Variants in ACO1 observed in about 807,000 individuals in gnomAD.
The protein encoded by ACO1 is cytoplasmic aconitate hydratase.
A neutral mutation model predicts 105.1 loss-of-function variants in ACO1; 78 were observed. The observed-to-expected ratio is 0.74, with a 90% CI of 0.62 to 0.90. The LOEUF (loss-of-function observed/expected upper bound fraction) is 0.90, where lower values mean the gene tolerates loss of function less well. Among genes scored for constraint, ACO1 ranks in the 40% least tolerant of loss-of-function variants. The pLI is 0.00. For synonymous variants in ACO1, 364 were observed against 397.4 expected, an observed-to-expected ratio of 0.92 and a Z score of 1.00; for missense variants, 965 against 1,111.1, an observed-to-expected ratio of 0.87 and a Z score of 1.87.
Position 32,427,420 on chromosome 9 carries a change from T to C in ACO1, c.1468T>C (p.Tyr490His). The C allele has an allele frequency of 6.2e-7, 1 of 1,614,224 alleles. No homozygotes were observed. Among genetic ancestry groups the C allele is most frequent in the Non-Finnish European group, 8.5e-7 (1 of 1,180,038 alleles). Residue 490 changes from tyrosine (Y) to histidine (H), a missense_variant, in exon 12 of 21, where the codon TAT becomes CAT. Physicochemically the swap from Tyr to His is moderately conservative, Grantham distance 83 (BLOSUM62 2). Transcript: ENST00000309951. ...YYLQESGVMP[Y>H]LSQLGFDVVG... ...CCTACAAGAAAGCGGAGTCATGCCTTATCTGTCTCAGCTTGGGTGAGGGAG... is the reference window on the plus strand; with the variant it reads ...CCTACAAGAAAGCGGAGTCATGCCTCATCTGTCTCAGCTTGGGTGAGGGAG...
In ACO1 at chr9:32,446,650, C is replaced by A. The variant is rs558486665; in HGVS notation, c.2371-2246C>A. 2.0e-5 allele frequency among the ~76,000 whole-genome samples: 3 copies of A among 152,250 alleles called. No homozygotes were observed. In the South Asian group the frequency reaches 6.2e-4, roughly 32 times the overall value. ...ATTATGCTGTTAGCTGGTTATTTTG[C>A]CCATTAGTTGATGCAGTTTTTCATA... On this transcript the variant is annotated intron_variant, in intron 19 of 20. Transcript: ENST00000309951.
intron 6 of ACO1, 50 bp from the exon 7 acceptor site, chr9:32,418,988 T>C: frequency 2.0e-6 from 3 of 1,484,742 alleles, no homozygotes; most frequent in Non-Finnish European, 2.7e-6. Flanking sequence ...ACCTGAGAGA[T>C]AGAGTAAGGG....
intron 12 of ACO1, 71 bp downstream of exon 12, chr9:32,427,507 C>G: frequency 1.3e-6 from 2 of 1,581,682 alleles, no homozygotes; most frequent in South Asian, 1.1e-5. Flanking sequence ...GCTGTGTCAC[C>G]TTGTAACAGA....
chr9:32,449,114 C>T (rs377061850), intron 20 of ACO1, 33 bp downstream of exon 20: 4 of 1,549,858 alleles, frequency 2.6e-6, no homozygotes, highest in East Asian at 4.5e-5. Flanking sequence ...CAGGCCCTGT[C>T]GAAAGGGGCC....
At chr9:32,409,260 G>A (rs1193632058) in intron 4 of ACO1, among the ~76,000 whole-genome samples, 1 of 152,122 alleles carries the variant, frequency 6.6e-6, no homozygotes, top group Non-Finnish European at 1.5e-5. Flanking sequence ...GTCCTGAGTG[G>A]GCCTGTAGCC....
chr9:32,401,942 CTGTT>C (rs1464577247), intron 1 of ACO1, among the ~76,000 whole-genome samples: 1 of 152,222 alleles, frequency 6.6e-6, no homozygotes, highest in Admixed American at 6.5e-5. Context: ...TTGAAAGACA[CTGTT>C]TCTCTACCAA....
chr9:32,384,895 G>A (rs986050583), intron 1 of ACO1, among the ~76,000 whole-genome samples, 160 bp downstream of exon 1: 1 of 152,262 alleles, frequency 6.6e-6, no homozygotes, highest in Non-Finnish European at 1.5e-5. Flanking sequence ...AATCGGGGAC[G>A]TGTTTCTGGC....
chr9:32,418,542 G>A (rs1821902377), intron 6 of ACO1, 31 bp downstream of exon 6: 1 of 1,582,440 alleles, frequency 6.3e-7, no homozygotes, highest in East Asian at 2.3e-5. Flanking sequence ...GCTGTTTTGG[G>A]GCATGCACTT....
At chr9:32,385,828 C>G (rs1448008719) in intron 1 of ACO1, among the ~76,000 whole-genome samples, 1 of 152,240 alleles carries the variant, frequency 6.6e-6, no homozygotes, top group South Asian at 2.1e-4. Flanking sequence ...TAGGAGTTCT[C>G]TGCACCACAC....
rs1822690526 is a variant in ACO1, at chr9:32,448,997, A to G, written c.2472A>G (p.Ala824=). 1 of 1,614,086 alleles carries G rather than the reference A, an allele frequency of 6.2e-7. No individual in the cohort carries two copies. The highest frequency in any genetic ancestry group is 8.5e-7 in the Non-Finnish European group (1 of 1,180,022). The change falls in exon 20 of 21, where the codon GCA becomes GCG. Residue 824 remains alanine (A), a synonymous_variant. Coordinates refer to ENST00000309951, the MANE Select transcript of ACO1 (RefSeq NM_002197.3). ...TTGAATATCTCCCTGGTGAGAATGC[A>G]GATGCCCTGGGGCTCACAGGGCAAG... ...IPLEYLPGEN[A]DALGLTGQER...
intron 1 of ACO1, among the ~76,000 whole-genome samples, chr9:32,398,954 T>C (rs1189060650): frequency 1.3e-5 from 2 of 152,218 alleles, no homozygotes; most frequent in African/African-American, 4.8e-5. Context: ...TAAATTTTAA[T>C]GTAGAGCTAC....
In ACO1 at chr9:32,431,862, C is replaced by T. The variant is rs931402354; in HGVS notation, c.1851+19C>T. On this transcript the variant is annotated intron_variant, in intron 15 of 20. Coordinates refer to ENST00000309951, the MANE Select transcript of ACO1 (RefSeq NM_002197.3). ...AATAGAGGTGAGGTCCCACACTGCC[C>T]TCCCCGCCCCAGAGGATCTAAGGGA... is the stretch of plus-strand genomic sequence containing the variant. 6.2e-7 allele frequency: 1 copy of T among 1,613,438 alleles called. No homozygotes were observed. The highest frequency in any genetic ancestry group is 8.5e-7 in the Non-Finnish European group (1 of 1,179,712).
Position 32,425,965 on chromosome 9 carries a change from A to T in ACO1, c.1316A>T (p.Asn439Ile). 6.2e-7 allele frequency: 1 copy of T among 1,614,038 alleles called. No homozygotes were observed. Among genetic ancestry groups the T allele is most frequent in the South Asian group, 1.1e-5 (1 of 91,068 alleles). The change falls in exon 11 of 21, where the codon AAC (asparagine) becomes ATC (isoleucine). Residue 439 changes from asparagine to isoleucine, a missense_variant. Asn to Ile is a moderately radical substitution (Grantham distance 149). Coordinates refer to ENST00000309951, the MANE Select transcript of ACO1 (RefSeq NM_002197.3). ...ATTGCTGCCATTACTAGCTGCACAA[A>T]CACCAGTAATCCGTCTGTGATGTTA... ...VVIAAITSCT[N>I]TSNPSVMLGA...
chr9:32,424,902 C>G (rs10970973), intron 10 of ACO1, among the ~76,000 whole-genome samples: 88,812 of 150,420 alleles, frequency 0.59, 28,398 homozygotes, highest in Middle Eastern at 0.78. Flanking sequence ...TTCACAGGAC[C>G]CTCACCACAC....
intron 1 of ACO1, among the ~76,000 whole-genome samples, chr9:32,400,502 G>C (rs568691717): frequency 1.3e-5 from 2 of 152,134 alleles, no homozygotes; most frequent in Admixed American, 6.5e-5. Context: ...CTCTGTTGGT[G>C]AATATCAAAG....
Position 32,429,477 on chromosome 9 carries a change from G to A in ACO1, c.1543G>A (p.Glu515Lys). The change falls in exon 13 of 21, where the codon GAA (glutamate) becomes AAA (lysine). Residue 515 changes from glutamate to lysine, a missense_variant. By Grantham distance (56) the Glu-to-Lys change is moderately conservative. Transcript: ENST00000309951. ...TCIGNSGPLP[E>K]PVVEAITQGD... ...CATTGGCAACAGTGGGCCTTTACCTGAACCTGTGGTAGAAGCCATCACACA... is the reference window on the plus strand; with the variant it reads ...CATTGGCAACAGTGGGCCTTTACCTAAACCTGTGGTAGAAGCCATCACACA... 6.2e-7 allele frequency: 1 copy of A among 1,614,180 alleles called. No homozygotes were observed. Among genetic ancestry groups the A allele is most frequent in the Non-Finnish European group, 8.5e-7 (1 of 1,180,012 alleles).
At chr9:32,449,287 TCA>T (rs1163908475) in intron 20 of ACO1, among the ~76,000 whole-genome samples, 3 of 152,192 alleles carry the variant, frequency 2.0e-5, no homozygotes, top group Admixed American at 1.3e-4. Flanking sequence ...CTCTGTTTAT[TCA>T]CAGAGTTATC....
chr9:32,429,619 T>A, intron 13 of ACO1, 116 bp downstream of exon 13: 1 of 889,902 alleles, frequency 1.1e-6, no homozygotes, highest in Non-Finnish European at 1.7e-6. Flanking sequence ...GTTTAGAGTA[T>A]GATCTTTTGA....
intron 13 of ACO1, among the ~76,000 whole-genome samples, chr9:32,430,161 C>G (rs372210822): frequency 2.0e-5 from 3 of 152,192 alleles, no homozygotes; most frequent in Admixed American, 1.3e-4. Context: ...GCAGCAATAA[C>G]TAGTATGTTG....
Sources: gnomAD v4.1 joint callset for allele counts (sites outside exome capture counted in the v4.1 genomes callset) on GRCh38, gnomAD v4.1.1 for gene constraint, MANE v1.5 for transcripts, NCBI Gene and HGNC (gene_info 2026-07-23, HGNC 2026-07-21) for gene names.